ACADS: variants seen among roughly 807,000 people sequenced by gnomAD.
ACADS encodes the protein short-chain specific acyl-CoA dehydrogenase, mitochondrial.
In ACADS, 28 loss-of-function variants were observed where a neutral mutation model predicts 46.8. The ratio of observed to expected loss-of-function variants is 0.60; its 90% confidence interval spans 0.44 to 0.82. ACADS has a LOEUF of 0.82. Ranked by LOEUF, ACADS falls within the 40% of genes least tolerant of loss-of-function variation. The pLI, the probability that ACADS is intolerant of heterozygous loss-of-function variation, is 0.00. For synonymous variants in ACADS, 236 were observed against 237.7 expected, an observed-to-expected ratio of 0.99 and a Z score of 0.07; for missense variants, 528 against 578.0, an observed-to-expected ratio of 0.91 and a Z score of 0.89.
intron 2 of ACADS, among the ~76,000 whole-genome samples, chr12:120,734,924 A>G (rs1883379074): frequency 6.7e-6 from 1 of 150,120 alleles, no homozygotes; most frequent in East Asian, 2.0e-4. Flanking sequence ...GCTAGTTTTT[A>G]TATTTTTGGT....
rs1025762207 is a variant in ACADS, at chr12:120,728,472, T to G, written c.210+1283T>G. Among the ~76,000 whole-genome samples the G allele has an allele frequency of 7.8e-6, 1 of 128,270 alleles. No homozygotes were observed. The highest frequency in any genetic ancestry group is 2.8e-5 in the African/African-American group (1 of 35,148). 84.2% of individuals were successfully genotyped at this position (128,270 alleles called of 152,430 possible). ...ACCTCTCCGGCCTCTTCTCCTTGCC[T>G]GTTTTTTTTTTTAATTTTAATTTTA... is the stretch of plus-strand genomic sequence containing the variant. On this transcript the variant is annotated intron_variant, in intron 2 of 9. Transcript: ENST00000242592. This position sits in a 1 kb window ranked among gnomAD's most constrained non-coding sequence, Gnocchi z 4.0.
At chr12:120,732,165 G>A (rs1003438442) in intron 2 of ACADS, among the ~76,000 whole-genome samples, 7 of 152,222 alleles carry the variant, frequency 4.6e-5, no homozygotes, top group East Asian at 1.9e-4. Context: ...CCTCCCAGAC[G>A]GGGTGGTGGC....
In ACADS at chr12:120,738,545, A is replaced by G. The variant is rs370283455; in HGVS notation, c.808A>G (p.Met270Val). The change falls in exon 7 of 10, where the codon ATG becomes GTG. Residue 270 changes from methionine (M) to valine (V), a missense_variant. Physicochemically the swap from Met to Val is conservative, Grantham distance 21. Coordinates refer to ENST00000242592, the MANE Select transcript of ACADS (RefSeq NM_000017.4). Reference protein sequence around the residue: ...GFKIAMQTLDMGRIGIASQAL... With the variant: ...GFKIAMQTLDVGRIGIASQAL... ...GCGGTCCCCACAGCAAACCCTGGACATGGGCCGCATCGGCATCGCCTCCCA... is the reference window on the plus strand; with the variant it reads ...GCGGTCCCCACAGCAAACCCTGGACGTGGGCCGCATCGGCATCGCCTCCCA... 4.3e-6 allele frequency: 7 copies of G among 1,610,170 alleles called. No homozygotes were observed. Among genetic ancestry groups the G allele is most frequent in the East Asian group, 2.2e-5 (1 of 44,886 alleles).
intron 2 of ACADS, among the ~76,000 whole-genome samples, chr12:120,732,349 C>T (rs1457032167): frequency 6.6e-6 from 1 of 151,530 alleles, no homozygotes; most frequent in Non-Finnish European, 1.5e-5. Context: ...GGCTGCCGGA[C>T]GGGGTGGCTG....
Position 120,737,224 on chromosome 12 carries a change from C to T in ACADS, c.360+89C>T, listed in dbSNP as rs1486714343. 9 of 1,537,742 alleles carry T rather than the reference C, an allele frequency of 5.9e-6. No homozygotes were observed. In the South Asian group the frequency reaches 8.3e-5, roughly 14 times the overall value. On this transcript the variant is annotated intron_variant, in intron 3 of 9. Transcript: ENST00000242592. ...TCTGGCCTCGGCTCCCAGCCCTGAT[C>T]TCTCTGGAGACGTCACAGGCCTTGG...
At chr12:120,739,038 C>A in intron 8 of ACADS, 102 bp from the exon 9 acceptor site, 2 of 1,595,794 alleles carry the variant, frequency 1.3e-6, no homozygotes, top group South Asian at 2.2e-5. Flanking sequence ...GGTTTACAGC[C>A]CCATGGGGAG....
In ACADS at chr12:120,728,283, C is replaced by T. The variant is rs908599299; in HGVS notation, c.210+1094C>T. On this transcript the variant is annotated intron_variant, in intron 2 of 9. Coordinates refer to ENST00000242592, the MANE Select transcript of ACADS (RefSeq NM_000017.4). This position sits in a 1 kb window ranked among gnomAD's most constrained non-coding sequence, Gnocchi z 4.0. ...TTTTCTCCCCTGAGTTTCCCATCAGCGCGCTCCCTCCCGTGCCACTGTGTT... is the reference window on the plus strand; with the variant it reads ...TTTTCTCCCCTGAGTTTCCCATCAGTGCGCTCCCTCCCGTGCCACTGTGTT... Among the ~76,000 whole-genome samples the T allele has an allele frequency of 5.3e-5, 8 of 151,910 alleles. No homozygotes were observed. The highest frequency in any genetic ancestry group is 2.1e-4 in the South Asian group (1 of 4,820).
At chr12:120,735,735 C>T (rs1233699964) in intron 2 of ACADS, among the ~76,000 whole-genome samples, 1 of 151,752 alleles carries the variant, frequency 6.6e-6, no homozygotes, top group East Asian at 1.9e-4. Context: ...CCCGTCTCTA[C>T]TAAAAATACA....
intron 2 of ACADS, among the ~76,000 whole-genome samples, chr12:120,736,778 G>A (rs1011046172): frequency 2.6e-5 from 4 of 152,194 alleles, no homozygotes; most frequent in Non-Finnish European, 5.9e-5. Context: ...GGCGGGGGCA[G>A]GACAGCTTGA....
chr12:120,735,349 A>T (rs1480395926), intron 2 of ACADS, among the ~76,000 whole-genome samples: 3 of 82,832 alleles, frequency 3.6e-5, no homozygotes, highest in South Asian at 4.8e-4. Context: ...CGCAGTCCTT[A>T]AAAAAAAAAA....
intron 2 of ACADS, among the ~76,000 whole-genome samples, chr12:120,734,509 A>G (rs1008824280): frequency 6.6e-6 from 1 of 152,194 alleles, no homozygotes. Flanking sequence ...TCCCATGGGA[A>G]CAGTTCAAGG....
At chr12:120,735,032 G>A (rs564183037) in intron 2 of ACADS, among the ~76,000 whole-genome samples, 28 of 151,746 alleles carry the variant, frequency 1.8e-4, no homozygotes, top group African/African-American at 4.1e-4. Flanking sequence ...GATTCTTTGG[G>A]AGGCTGAGGC....
chr12:120,735,898 C>CAAAATAAAAT (rs72432001), intron 2 of ACADS, among the ~76,000 whole-genome samples: 74 of 149,702 alleles, frequency 4.9e-4, no homozygotes, highest in Middle Eastern at 6.8e-3. Context: ...TACTCTGTCA[C>CAAAATAAAAT]AAAATAAAAT....
At chr12:120,737,488 C>T (rs781119030) in intron 4 of ACADS, 21 bp downstream of exon 4, 8 of 1,597,114 alleles carry the variant, frequency 5.0e-6, no homozygotes, top group Non-Finnish European at 6.9e-6. Context: ...TGTCCCCTCA[C>T]CTGTCCTTAG....
intron 2 of ACADS, 135 bp from the exon 3 acceptor site, chr12:120,736,851 C>A (rs905595658): frequency 6.3e-6 from 7 of 1,117,912 alleles, no homozygotes; most frequent in Non-Finnish European, 8.7e-6. Context: ...ACTTGGGGAT[C>A]CCTTGTGCGT....
intron 2 of ACADS, among the ~76,000 whole-genome samples, chr12:120,729,374 C>T (rs1883188159): frequency 6.6e-6 from 1 of 151,444 alleles, no homozygotes; most frequent in Non-Finnish European, 1.5e-5. Context: ...TATCCTGCCT[C>T]AGCCTCCCAG....
intron 2 of ACADS, among the ~76,000 whole-genome samples, chr12:120,732,289 G>A (rs1883273906): frequency 6.7e-6 from 1 of 150,334 alleles, no homozygotes; most frequent in Non-Finnish European, 1.5e-5. Context: ...CTCCCGGACG[G>A]GGCGGCTGGC....
Position 120,738,932 on chromosome 12 carries a change from C to G in ACADS, c.1029+17C>G. 1 of 1,613,040 alleles carries G rather than the reference C, an allele frequency of 6.2e-7. No homozygotes were observed. Among genetic ancestry groups the G allele is most frequent in the African/African-American group, 1.3e-5 (1 of 75,050 alleles). ...TTCATCAAGGTGCCCACAGGGGTCC[C>G]CGAGCCATGGCCCAGAATGTGGTGG... On this transcript the variant is annotated intron_variant, in intron 8 of 9. Transcript: ENST00000242592.
chr12:120,735,682 C>T (rs771260941), intron 2 of ACADS, among the ~76,000 whole-genome samples: 30 of 151,968 alleles, frequency 2.0e-4, no homozygotes, highest in Non-Finnish European at 4.1e-4. Context: ...GGGTGGATCA[C>T]GAGGTCGGGA....
Sources: gnomAD v4.1 joint callset for allele counts (sites outside exome capture counted in the v4.1 genomes callset) on GRCh38, gnomAD v4.1.1 for gene constraint, Gnocchi (gnomAD v3.1) non-coding constraint, MANE v1.5 for transcripts, NCBI Gene and HGNC (gene_info 2026-07-23, HGNC 2026-07-21) for gene names.